OLFM3: variants seen among roughly 807,000 people sequenced by gnomAD.
The protein encoded by OLFM3 is noelin-3.
OLFM3 carries 20 observed loss-of-function variants against 48.6 expected under a neutral mutation model. The ratio of observed to expected loss-of-function variants is 0.41; its 90% confidence interval spans 0.29 to 0.60. The LOEUF (loss-of-function observed/expected upper bound fraction) is 0.60. Ranked by LOEUF, OLFM3 falls within the 20% of genes least tolerant of loss-of-function variation. OLFM3 has a pLI of 0.28. For synonymous variants in OLFM3, 222 were observed against 198.1 expected (o/e 1.12, Z -1.01); for missense variants, 437 against 544.3 (o/e 0.80, Z 1.96).
chr1:101,960,311 C>T (rs926039576), intron 1 of OLFM3, among the ~76,000 whole-genome samples: 7 of 152,150 alleles, frequency 4.6e-5, no homozygotes, highest in African/African-American at 1.7e-4. Context: ...CAGCAGAACT[C>T]AGACGCATTG....
At position 101,868,661 on chromosome 1, in the gene OLFM3, T is replaced by A. The variant is rs374301211; in HGVS notation, c.70-31636A>T. On this transcript the variant is annotated intron_variant, in intron 1 of 5. Coordinates refer to ENST00000370103, the MANE Select transcript of OLFM3 (RefSeq NM_058170.4). ...ACATAAGTAATGAGGAACCAGATGT[T>A]AATCACCAAGACAATGGGGAAAATG... Among the ~76,000 whole-genome samples the A allele has an allele frequency of 8.9e-4, 135 of 152,326 alleles. 4 individuals are homozygous for A. The South Asian group carries it at 0.027, about 31-fold the overall frequency.
intron 1 of OLFM3, among the ~76,000 whole-genome samples, chr1:101,849,629 C>A (rs1314881190): frequency 6.6e-6 from 1 of 152,098 alleles, no homozygotes; most frequent in Non-Finnish European, 1.5e-5. Flanking sequence ...ATATCAGAGA[C>A]AAGAAGGTCA....
chr1:101,994,036 G>A (rs1661489299), intron 1 of OLFM3, among the ~76,000 whole-genome samples: 1 of 150,872 alleles, frequency 6.6e-6, no homozygotes, highest in Non-Finnish European at 1.5e-5. Context: ...ACTGTTGTTA[G>A]AAAACCCAGT....
intron 1 of OLFM3, among the ~76,000 whole-genome samples, chr1:101,983,011 C>T (rs146293836): frequency 3.3e-5 from 5 of 152,176 alleles, no homozygotes; most frequent in Non-Finnish European, 5.9e-5. Context: ...GATCTTTCAC[C>T]TTGTTTGGAG....
intron 4 of OLFM3, among the ~76,000 whole-genome samples, chr1:101,824,206 T>C (rs1654738141): frequency 6.6e-6 from 1 of 152,122 alleles, no homozygotes; most frequent in African/African-American, 2.4e-5. Context: ...GGTATTGACT[T>C]GCCCTCCCTG....
At chr1:101,871,620 T>G (rs1657086764) in intron 1 of OLFM3, among the ~76,000 whole-genome samples, 1 of 151,864 alleles carries the variant, frequency 6.6e-6, no homozygotes, top group Admixed American at 6.6e-5. Flanking sequence ...ACAATAAACA[T>G]CTCCATAGAT....
chr1:101,820,242 A>G (rs376968060), intron 4 of OLFM3, among the ~76,000 whole-genome samples: 16 of 152,146 alleles, frequency 1.1e-4, no homozygotes, highest in African/African-American at 3.9e-4. Flanking sequence ...TGAAGTCCCA[A>G]AGCTGTGTAA....
chr1:101,861,357 C>T (rs762977716), intron 1 of OLFM3, among the ~76,000 whole-genome samples: 4 of 150,476 alleles, frequency 2.7e-5, no homozygotes, highest in Non-Finnish European at 4.4e-5. Flanking sequence ...CCACCGTGCC[C>T]GGAGATTTGA....
chr1:101,898,880 T>C (rs1658295478), intron 1 of OLFM3, among the ~76,000 whole-genome samples: 1 of 151,960 alleles, frequency 6.6e-6, no homozygotes, highest in Non-Finnish European at 1.5e-5. Context: ...AAAAACAGAA[T>C]TGAATGACAG....
chr1:101,875,316 A>G lies in OLFM3; in HGVS notation c.70-38291T>C, dbSNP rs1158386840. Reference sequence around the variant, plus strand: ...TTTGCCAAAATCCATAGAATGTACAACATGAATTCTACTGTGAACTGTGGA... The same window carrying G: ...TTTGCCAAAATCCATAGAATGTACAGCATGAATTCTACTGTGAACTGTGGA... On this transcript the variant is annotated intron_variant, in intron 1 of 5. Coordinates refer to ENST00000370103, the MANE Select transcript of OLFM3 (RefSeq NM_058170.4). Among the ~76,000 whole-genome samples, 6 of 152,000 alleles carry G rather than the reference A, an allele frequency of 3.9e-5. No homozygotes were observed. In the East Asian group the frequency reaches 7.7e-4, roughly 20 times the overall value.
At chr1:101,917,734 A>C (rs771529864) in intron 1 of OLFM3, among the ~76,000 whole-genome samples, 3 of 152,218 alleles carry the variant, frequency 2.0e-5, no homozygotes, top group Non-Finnish European at 4.4e-5. Flanking sequence ...ACTATATTTT[A>C]TAAATCACAA....
intron 1 of OLFM3, among the ~76,000 whole-genome samples, chr1:101,968,598 C>A (rs1660692809): frequency 1.3e-5 from 2 of 148,810 alleles, no homozygotes; most frequent in South Asian, 4.3e-4. Context: ...TTCCATTATA[C>A]CCTTGCCTTT....
Position 101,942,792 on chromosome 1 carries a change from A to G in OLFM3, c.69+53956T>C, listed in dbSNP as rs1252893522. On this transcript the variant is annotated intron_variant, in intron 1 of 5. Coordinates refer to ENST00000370103, the MANE Select transcript of OLFM3 (RefSeq NM_058170.4). ...TGAATAATAGCATTGCATTAAGAGA[A>G]GCCAAATTTCCATTCTTGCTTTGTT... Among the ~76,000 whole-genome samples the G allele has an allele frequency of 2.0e-5, 3 of 152,220 alleles. No individual in the cohort carries two copies. In the East Asian group the frequency reaches 5.8e-4, roughly 29 times the overall value.
intron 1 of OLFM3, among the ~76,000 whole-genome samples, chr1:101,940,934 G>T (rs1419871510): frequency 6.6e-6 from 1 of 152,046 alleles, no homozygotes; most frequent in Non-Finnish European, 1.5e-5. Flanking sequence ...TTACAACACA[G>T]TGTCTTATTT....
chr1:101,833,847 G>A (rs1655279625), intron 2 of OLFM3, among the ~76,000 whole-genome samples: 2 of 152,102 alleles, frequency 1.3e-5, no homozygotes, highest in South Asian at 4.1e-4. Context: ...AGTAAACTGT[G>A]TATTAGAAAT....
chr1:101,840,224 A>G (rs1356616953), intron 1 of OLFM3, among the ~76,000 whole-genome samples: 1 of 152,230 alleles, frequency 6.6e-6, no homozygotes, highest in East Asian at 1.9e-4. Context: ...CAACAGGAAT[A>G]GCAATCATTA....
At chr1:101,829,903 C>G (rs1329536434) in intron 3 of OLFM3, among the ~76,000 whole-genome samples, 1 of 151,682 alleles carries the variant, frequency 6.6e-6, no homozygotes, top group Non-Finnish European at 1.5e-5. Flanking sequence ...GGCGCTGTCT[C>G]GGCTCACTGC....
intron 1 of OLFM3, among the ~76,000 whole-genome samples, chr1:101,965,875 C>T (rs921064579): frequency 6.6e-6 from 1 of 152,164 alleles, no homozygotes; most frequent in Non-Finnish European, 1.5e-5. Context: ...TGATCATTGC[C>T]TTTTGGTTAT....
intron 1 of OLFM3, among the ~76,000 whole-genome samples, chr1:101,936,958 T>C (rs773493021): frequency 6.6e-6 from 1 of 152,030 alleles, no homozygotes; most frequent in Non-Finnish European, 1.5e-5. Flanking sequence ...TATATGAAAA[T>C]CAACTCAAGA....
Sources: gnomAD v4.1 joint callset for allele counts (sites outside exome capture counted in the v4.1 genomes callset) on GRCh38, gnomAD v4.1.1 for gene constraint, MANE v1.5 for transcripts, NCBI Gene and HGNC (gene_info 2026-07-23, HGNC 2026-07-21) for gene names.